HPGDS: variants seen among roughly 807,000 people sequenced by gnomAD.
HPGDS encodes GST class-sigma.
Under a neutral mutation model 23.1 loss-of-function variants are expected in HPGDS, and 26 were observed. The observed-to-expected ratio is 1.13, with a 90% CI of 0.83 to 1.56. The LOEUF is 1.56. Among genes scored for constraint, HPGDS ranks in the 40% most tolerant of loss-of-function variants. HPGDS has a pLI of 0.00. For synonymous variants in HPGDS, 95 were observed against 77.9 expected (o/e 1.22, Z -1.16); for missense variants, 268 against 236.4 (o/e 1.13, Z -0.88).
intron 1 of HPGDS, among the ~76,000 whole-genome samples, chr4:94,340,314 T>TCTTTTTCTTTTC (rs1560598045): frequency 1.5e-3 from 17 of 11,080 alleles, no homozygotes; most frequent in East Asian, 5.2e-3. Flanking sequence ...TCTTTCTCTT[T>TCTTTTTCTTTTC]TTTTTTTTTT....
At chr4:94,318,098 A>C in intron 2 of HPGDS, 133 bp from the exon 3 acceptor site, 1 of 641,338 alleles carries the variant, frequency 1.6e-6, no homozygotes, top group East Asian at 2.8e-5. Flanking sequence ...TTTTAAAGGA[A>C]CACTTGACAA....
chr4:94,327,149 C>T (rs918986223), intron 2 of HPGDS, among the ~76,000 whole-genome samples: 1 of 152,020 alleles, frequency 6.6e-6, no homozygotes, highest in Non-Finnish European at 1.5e-5. Context: ...GCACTGGTAC[C>T]AGCAGTGCTG....
chr4:94,303,172 A>G (rs573548001), intron 4 of HPGDS, among the ~76,000 whole-genome samples: 1 of 152,280 alleles, frequency 6.6e-6, no homozygotes, highest in Non-Finnish European at 1.5e-5. Context: ...ACTTAGCTAG[A>G]TGGTATATAC....
chr4:94,311,500 G>A (rs1223480078), intron 3 of HPGDS, among the ~76,000 whole-genome samples: 2 of 151,304 alleles, frequency 1.3e-5, no homozygotes, highest in Non-Finnish European at 2.9e-5. Flanking sequence ...ACTTGATCAT[G>A]GTGGATAAGG....
intron 4 of HPGDS, chr4:94,303,996 C>T (rs1489765548): frequency 6.6e-6 from 1 of 151,296 alleles, no homozygotes; most frequent in East Asian, 2.0e-4. Context: ...ACCAAAATAA[C>T]ATAAAGAAGA....
chr4:94,328,611 C>T (rs1756681586), intron 2 of HPGDS, among the ~76,000 whole-genome samples: 1 of 152,190 alleles, frequency 6.6e-6, no homozygotes, highest in African/African-American at 2.4e-5. Context: ...ATTGATTTCT[C>T]ATATATATTT....
chr4:94,331,643 G>A lies in HPGDS; in HGVS notation c.133+2854C>T, dbSNP rs550840318. Among the ~76,000 whole-genome samples, 74 of 152,248 alleles carry A rather than the reference G, an allele frequency of 4.9e-4. 2 individuals are homozygous for A. In the South Asian group the frequency reaches 0.011, roughly 23 times the overall value. ...TTAGCCTGGTTGTAGCCTTCTGATT[G>A]TAGAGCAGGGGAAAGGTGCTATGGA... On this transcript the variant is annotated intron_variant, in intron 2 of 5. Coordinates refer to ENST00000295256, the MANE Select transcript of HPGDS (RefSeq NM_014485.3).
intron 3 of HPGDS, among the ~76,000 whole-genome samples, chr4:94,317,054 A>G (rs1756410599): frequency 6.6e-6 from 1 of 152,154 alleles, no homozygotes; most frequent in Non-Finnish European, 1.5e-5. Flanking sequence ...AAAATACACT[A>G]TTTCATTCCA....
intron 3 of HPGDS, among the ~76,000 whole-genome samples, chr4:94,311,950 T>C (rs1404381570): frequency 3.3e-5 from 5 of 152,038 alleles, no homozygotes; most frequent in Non-Finnish European, 7.3e-5. Context: ...TATTCTCTGA[T>C]GGTAGTTTGT....
intron 3 of HPGDS, among the ~76,000 whole-genome samples, chr4:94,315,574 A>T (rs1183700003): frequency 6.6e-6 from 1 of 152,122 alleles, no homozygotes; most frequent in Non-Finnish European, 1.5e-5. Context: ...TGCCAATTTA[A>T]AATGCTCCCG....
rs1756251274 is a variant in HPGDS, at chr4:94,310,773, GA to G, written c.227-2031del. 2.6e-5 allele frequency among the ~76,000 whole-genome samples: 4 copies of G among 152,300 alleles called. No individual in the cohort carries two copies. The East Asian group carries it at 7.7e-4, about 29-fold the overall frequency. On this transcript the variant is annotated intron_variant, in intron 3 of 5. Coordinates refer to ENST00000295256, the MANE Select transcript of HPGDS (RefSeq NM_014485.3). ...TTGATTCTTCCTACCCATGAGCATG[GA>G]ATGTTCTTCCATTTGTTTGTATCCT...
At chr4:94,328,838 G>A (rs147640881) in intron 2 of HPGDS, among the ~76,000 whole-genome samples, 3 of 152,136 alleles carry the variant, frequency 2.0e-5, no homozygotes, top group Non-Finnish European at 2.9e-5. Context: ...ATAATAAAGT[G>A]CCAGTCACAC....
At position 94,308,700 on chromosome 4, in the gene HPGDS, A is replaced by G. The variant is rs2126036486; in HGVS notation, c.270T>C (p.Ala90=). Residue 90 remains alanine, a synonymous_variant, in exon 4 of 6, where the codon GCT becomes GCC. Transcript: ENST00000295256. ...NTEMEQCHVD[A]IVDTLDDFMS... ...TGAAATCATCCAGAGTGTCCACAAT[A>G]GCATCAACATGACATTGTTCCATTT... 1.9e-6 allele frequency: 3 copies of G among 1,609,038 alleles called. No homozygotes were observed. The East Asian group carries it at 6.7e-5, about 36-fold the overall frequency.
At chr4:94,321,476 C>A (rs926582604) in intron 2 of HPGDS, among the ~76,000 whole-genome samples, 1 of 152,182 alleles carries the variant, frequency 6.6e-6, no homozygotes, top group African/African-American at 2.4e-5. Flanking sequence ...AGAGGTCCTT[C>A]ACATCCCTTT....
chr4:94,340,943 C>G (rs1454536430), intron 1 of HPGDS, among the ~76,000 whole-genome samples: 1 of 147,948 alleles, frequency 6.8e-6, no homozygotes, highest in Non-Finnish European at 1.5e-5. Flanking sequence ...CTCCCGGGTT[C>G]AAGCGATTCT....
At chr4:94,311,766 C>T (rs1044480090) in intron 3 of HPGDS, among the ~76,000 whole-genome samples, 1 of 151,242 alleles carries the variant, frequency 6.6e-6, no homozygotes, top group South Asian at 2.1e-4. Context: ...TCCATCTGGT[C>T]CTGGACTTTT....
rs75906864 is a variant in HPGDS at position 94,327,878 on chromosome 4, C to T, written c.133+6619G>A. On this transcript the variant is annotated intron_variant, in intron 2 of 5. Coordinates refer to ENST00000295256, the MANE Select transcript of HPGDS (RefSeq NM_014485.3). ...AGGGCTCCAGGGATGTGGAGATGCA[C>T]GGGCTTTTGGGTTCCAAGGCAAGAT... is the stretch of plus-strand genomic sequence containing the variant. 2.9e-3 allele frequency among the ~76,000 whole-genome samples: 448 copies of T among 152,278 alleles called. 2 individuals carry two copies. The highest frequency in any genetic ancestry group is 5.1e-3 in the Non-Finnish European group (346 of 68,026).
At chr4:94,302,362 T>G (rs1472098074) in intron 4 of HPGDS, 118 bp from the exon 5 acceptor site, 8 of 687,084 alleles carry the variant, frequency 1.2e-5, no homozygotes, top group African/African-American at 1.8e-5. Context: ...GAAAGAGAAG[T>G]AGCTAGATTT....
intron 2 of HPGDS, among the ~76,000 whole-genome samples, chr4:94,332,123 T>C (rs1212811987): frequency 1.3e-5 from 2 of 151,714 alleles, no homozygotes; most frequent in East Asian, 1.9e-4. Context: ...CTGGAGAGAG[T>C]TGACTTGACT....
Sources: gnomAD v4.1 joint callset for allele counts (sites outside exome capture counted in the v4.1 genomes callset) on GRCh38, gnomAD v4.1.1 for gene constraint, MANE v1.5 for transcripts, NCBI Gene and HGNC (gene_info 2026-07-23, HGNC 2026-07-21) for gene names.